The following SPATA17 variants were observed in gnomAD, a reference collection of about 807,000 sequenced individuals.
SPATA17 encodes the protein spermatogenesis associated 17.
A neutral mutation model predicts 62.2 loss-of-function variants in SPATA17; 53 were observed. The observed-to-expected ratio is 0.85, with a 90% CI of 0.68 to 1.07. SPATA17 has a LOEUF of 1.07. Among genes scored for constraint, SPATA17 ranks in the 50% least tolerant of loss-of-function variants. SPATA17 has a pLI of 0.00. For missense variants in SPATA17, 466 were observed against 425.5 expected (o/e 1.10, Z -0.84); for synonymous variants, 146 against 146.8 (o/e 0.99, Z 0.04).
chr1:217,834,061 A>G lies in SPATA17; in HGVS notation c.1006-28713A>G, dbSNP rs561982296. ...CCACATAATGACGTTTCAGTCAACA[A>G]TAGACTGCAAATACAAGGGCAGTCC... On this transcript the variant is annotated intron_variant, in intron 9 of 10. Transcript: ENST00000366933. 2.4e-4 allele frequency among the ~76,000 whole-genome samples: 37 copies of G among 152,284 alleles called. 1 individual carries two copies. Among genetic ancestry groups the G allele is most frequent in the African/African-American group, 7.9e-4 (33 of 41,578 alleles).
chr1:217,675,382 C>CCTTTTCAT (rs1670923554), intron 4 of SPATA17, among the ~76,000 whole-genome samples: 1 of 152,112 alleles, frequency 6.6e-6, no homozygotes, highest in African/African-American at 2.4e-5. Flanking sequence ...CTAATCTGTC[C>CCTTTTCAT]ACTTCAACTT....
intron 9 of SPATA17, among the ~76,000 whole-genome samples, chr1:217,859,279 T>C (rs1558079751): frequency 2.0e-5 from 3 of 147,918 alleles, no homozygotes; most frequent in Non-Finnish European, 3.0e-5. Flanking sequence ...AAGTTATATC[T>C]AAAAATTCTC....
Position 217,868,017 on chromosome 1 carries a change from A to G in SPATA17, c.*998A>G, listed in dbSNP as rs1676052590. ...ATAGGCCAAATGATCTGTTTCTTCA[A>G]CAAATAAATTACAAAACTGAGGGGA... On this transcript the variant is annotated 3_prime_UTR_variant, in exon 11 of 11. Coordinates refer to ENST00000366933, the MANE Select transcript of SPATA17 (RefSeq NM_138796.4). The G allele has an allele frequency of 6.6e-6, 1 of 152,212 alleles. No homozygotes were observed. Among genetic ancestry groups the G allele is most frequent in the Non-Finnish European group, 1.5e-5 (1 of 68,026 alleles). The allele number at this position is 152,212 out of a possible 1,614,324, so 9.4% of individuals were successfully genotyped here.
At chr1:217,650,016 C>T (rs1016866267) in intron 2 of SPATA17, among the ~76,000 whole-genome samples, 13 of 151,042 alleles carry the variant, frequency 8.6e-5, no homozygotes, top group East Asian at 7.8e-4. Context: ...TTCGGTTCAC[C>T]GCAACCTCCG....
At chr1:217,778,272 T>C (rs1673642559) in intron 7 of SPATA17, among the ~76,000 whole-genome samples, 3 of 151,906 alleles carry the variant, frequency 2.0e-5, no homozygotes, top group Non-Finnish European at 4.4e-5. Context: ...GCACTTTGGG[T>C]GGATTACAGG....
At chr1:217,672,487 A>G (rs1438943543) in intron 4 of SPATA17, among the ~76,000 whole-genome samples, 2 of 152,270 alleles carry the variant, frequency 1.3e-5, no homozygotes, top group East Asian at 3.9e-4. Context: ...ATTGTAAGTT[A>G]TATATATTTG....
chr1:217,670,172 A>G (rs1670800469), intron 4 of SPATA17, among the ~76,000 whole-genome samples: 1 of 152,184 alleles, frequency 6.6e-6, no homozygotes, highest in African/African-American at 2.4e-5. Context: ...GCTTTGCTAT[A>G]AACTTAACCT....
intron 10 of SPATA17, among the ~76,000 whole-genome samples, chr1:217,863,718 T>C (rs1244060617): frequency 6.6e-6 from 1 of 152,178 alleles, no homozygotes; most frequent in Non-Finnish European, 1.5e-5. Flanking sequence ...ATTCCATTTC[T>C]AAGGCATTTT....
intron 3 of SPATA17, among the ~76,000 whole-genome samples, chr1:217,664,821 T>C (rs969879737): frequency 1.3e-5 from 2 of 152,150 alleles, no homozygotes; most frequent in African/African-American, 2.4e-5. Context: ...GTTAGGAGAA[T>C]GCTAGCTTCT....
At chr1:217,652,361 A>C (rs895108277) in intron 3 of SPATA17, among the ~76,000 whole-genome samples, 19 of 152,082 alleles carry the variant, frequency 1.2e-4, no homozygotes, top group African/African-American at 4.6e-4. Flanking sequence ...CTTTCTGAGT[A>C]GCTGGGATTA....
intron 5 of SPATA17, among the ~76,000 whole-genome samples, chr1:217,701,302 T>C (rs896831891): frequency 6.9e-6 from 1 of 144,844 alleles, no homozygotes; most frequent in African/African-American, 2.7e-5. Flanking sequence ...TGTGTGTATA[T>C]GTGTGTGTGT....
intron 6 of SPATA17, among the ~76,000 whole-genome samples, chr1:217,744,664 A>G (rs1344678445): frequency 6.6e-6 from 1 of 152,126 alleles, no homozygotes; most frequent in Non-Finnish European, 1.5e-5. Flanking sequence ...TACTTTAGTG[A>G]TCCCTAGTCT....
chr1:217,696,049 T>A (rs1206564777), intron 5 of SPATA17, among the ~76,000 whole-genome samples: 4 of 152,090 alleles, frequency 2.6e-5, no homozygotes, highest in Admixed American at 6.5e-5. Context: ...CTGCTTTGTT[T>A]ACCTAAGCAA....
At chr1:217,845,866 G>A (rs1675512516) in intron 9 of SPATA17, among the ~76,000 whole-genome samples, 1 of 152,012 alleles carries the variant, frequency 6.6e-6, no homozygotes, top group South Asian at 2.1e-4. Flanking sequence ...GTAGACATTA[G>A]TAGTAGTTGT....
At chr1:217,688,080 G>A (rs1393186318) in intron 5 of SPATA17, among the ~76,000 whole-genome samples, 1 of 151,942 alleles carries the variant, frequency 6.6e-6, no homozygotes, top group East Asian at 1.9e-4. Flanking sequence ...TTTAAAACCG[G>A]AGGGCCAGGC....
intron 4 of SPATA17, among the ~76,000 whole-genome samples, chr1:217,680,395 A>G (rs749624451): frequency 1.9e-4 from 29 of 152,192 alleles, no homozygotes; most frequent in South Asian, 4.1e-4. Flanking sequence ...ATGTATACAT[A>G]TTCCAATTGA....
intron 7 of SPATA17, among the ~76,000 whole-genome samples, chr1:217,780,073 C>G (rs1395242768): frequency 6.6e-6 from 1 of 151,718 alleles, no homozygotes; most frequent in Non-Finnish European, 1.5e-5. Flanking sequence ...ATCAGCAGAT[C>G]TAAAGTTTGA....
chr1:217,861,125 A>G (rs1321284156), intron 9 of SPATA17, among the ~76,000 whole-genome samples: 1 of 151,904 alleles, frequency 6.6e-6, no homozygotes, highest in Non-Finnish European at 1.5e-5. Flanking sequence ...TTCTTATAAC[A>G]TTGCTGTCAT....
intron 3 of SPATA17, among the ~76,000 whole-genome samples, chr1:217,656,772 C>T (rs1670453707): frequency 6.6e-6 from 1 of 152,110 alleles, no homozygotes; most frequent in Non-Finnish European, 1.5e-5. Flanking sequence ...AAGTATTACA[C>T]CAACCCTATG....
Sources: gnomAD v4.1 joint callset for allele counts (sites outside exome capture counted in the v4.1 genomes callset) on GRCh38, gnomAD v4.1.1 for gene constraint, MANE v1.5 for transcripts, NCBI Gene and HGNC (gene_info 2026-07-23, HGNC 2026-07-21) for gene names.